The following AQR variants were observed in gnomAD, a reference collection of about 807,000 sequenced individuals.
AQR encodes the protein RNA helicase aquarius.
In AQR, 61 loss-of-function variants were observed where a neutral mutation model predicts 180.5. That is an observed-to-expected ratio of 0.34 (90% CI 0.28 to 0.42). The LOEUF (loss-of-function observed/expected upper bound fraction) is 0.42. AQR is among the 10% of genes least tolerant of loss of function. AQR has a pLI of 1.00. For missense variants in AQR, 1,281 were observed against 1,798.3 expected (o/e 0.71, Z 5.20); for synonymous variants, 551 against 588.8 (o/e 0.94, Z 0.93).
intron 19 of AQR, among the ~76,000 whole-genome samples, chr15:34,902,072 C>A (rs973658925): frequency 6.6e-6 from 1 of 152,118 alleles, no homozygotes; most frequent in African/African-American, 2.4e-5. Flanking sequence ...ATGCAGGGGA[C>A]ACTTAACATT....
chr15:34,930,245 G>A lies in AQR; in HGVS notation c.1014+13C>T, dbSNP rs1893832014. ...TTATGGAGCATACACAGTCTATAAT[G>A]TATTTTAATTACCTGTAGAGAAGTA... On this transcript the variant is annotated intron_variant, in intron 12 of 34. Coordinates refer to ENST00000156471, the MANE Select transcript of AQR (RefSeq NM_014691.3). 6.7e-7 allele frequency: 1 copy of A among 1,489,130 alleles called. No individual in the cohort carries two copies. The highest frequency in any genetic ancestry group is 9.4e-7 in the Non-Finnish European group (1 of 1,068,960). The allele number at this position is 1,489,130 out of a possible 1,614,324, so 92.2% of individuals were successfully genotyped here. A position where few individuals can be genotyped will look rare whatever the true frequency, so the allele number is the denominator to read the frequency against.
intron 1 of AQR, among the ~76,000 whole-genome samples, chr15:34,967,455 T>TAAACTA (rs2050315717): frequency 6.6e-6 from 1 of 152,174 alleles, no homozygotes; most frequent in Non-Finnish European, 1.5e-5. Flanking sequence ...ATGACAGAAG[T>TAAACTA]AAACTAATAA....
chr15:34,858,671 T>G (rs148433662), intron 34 of AQR, among the ~76,000 whole-genome samples: 2 of 152,208 alleles, frequency 1.3e-5, no homozygotes, highest in African/African-American at 4.8e-5. Context: ...AAAGGACTTA[T>G]GTTATCTAAT....
chr15:34,880,675 C>T (rs1186579224), intron 27 of AQR, among the ~76,000 whole-genome samples: 2 of 152,066 alleles, frequency 1.3e-5, no homozygotes, highest in Admixed American at 1.3e-4. Context: ...AGTGAGCAAA[C>T]CAAAGTTACG....
intron 3 of AQR, among the ~76,000 whole-genome samples, chr15:34,957,936 G>A (rs1466801250): frequency 5.3e-5 from 8 of 152,118 alleles, no homozygotes; most frequent in African/African-American, 9.7e-5. Context: ...GTGGCCGGGC[G>A]CAGTGGCTCA....
rs2140491429 is a variant in AQR at position 34,930,318 on chromosome 15, T to C, written c.954A>G (p.Gly318=). 6.2e-7 allele frequency: 1 copy of C among 1,611,778 alleles called. No individual in the cohort carries two copies. Among genetic ancestry groups the C allele is most frequent in the East Asian group, 2.2e-5 (1 of 44,732 alleles). Residue 318 remains glycine, a synonymous_variant, in exon 12 of 35, where the codon GGA becomes GGG. Coordinates refer to ENST00000156471, the MANE Select transcript of AQR (RefSeq NM_014691.3). ...YTGFEINDQT[G]NALTENEMTT... Reference sequence around the variant, plus strand: ...TCATCTCATTCTCTGTCAGAGCATTTCCAGTTTGGTCATTAATTTCAAAAC... The same window carrying C: ...TCATCTCATTCTCTGTCAGAGCATTCCCAGTTTGGTCATTAATTTCAAAAC...
At chr15:34,934,482 A>G in intron 10 of AQR, 89 bp downstream of exon 10, 1 of 784,452 alleles carries the variant, frequency 1.3e-6, no homozygotes, top group South Asian at 2.7e-5. Flanking sequence ...AAAGAAAAGG[A>G]AAGAAAAAAA....
chr15:34,890,835 T>C (rs576884455), intron 23 of AQR, among the ~76,000 whole-genome samples: 12 of 152,338 alleles, frequency 7.9e-5, no homozygotes, highest in African/African-American at 2.6e-4. Flanking sequence ...CACTCATTTA[T>C]TGCAAACTAT....
At chr15:34,888,971 A>AT (rs1360679145) in intron 24 of AQR, among the ~76,000 whole-genome samples, 1 of 152,212 alleles carries the variant, frequency 6.6e-6, no homozygotes, top group Admixed American at 6.5e-5. Flanking sequence ...TTAAAAGTAC[A>AT]TTTTTTCTAA....
chr15:34,918,870 A>T (rs1324726334), intron 14 of AQR, among the ~76,000 whole-genome samples: 3 of 152,246 alleles, frequency 2.0e-5, no homozygotes, highest in Non-Finnish European at 4.4e-5. Flanking sequence ...CTATCACCCT[A>T]GTCTTCTCAC....
At chr15:34,883,956 T>C (rs949457310) in intron 26 of AQR, among the ~76,000 whole-genome samples, 17 of 152,214 alleles carry the variant, frequency 1.1e-4, no homozygotes, top group African/African-American at 4.1e-4. Flanking sequence ...GGACTTAGAA[T>C]GGCCACATGG....
intron 26 of AQR, among the ~76,000 whole-genome samples, chr15:34,883,477 T>C (rs1375552018): frequency 1.3e-5 from 2 of 152,208 alleles, no homozygotes; most frequent in African/African-American, 2.4e-5. Context: ...TTTATCCTTT[T>C]ACTTTGTGTT....
intron 3 of AQR, 97 bp downstream of exon 3, chr15:34,960,677 G>A (rs1024780521): frequency 3.4e-6 from 2 of 580,604 alleles, no homozygotes; most frequent in Middle Eastern, 2.7e-4. Context: ...GTTTGAAACA[G>A]AAAAAGGGTT....
chr15:34,886,489 A>T, intron 25 of AQR, 37 bp downstream of exon 25: 1 of 1,566,848 alleles, frequency 6.4e-7, no homozygotes, highest in East Asian at 2.3e-5. Flanking sequence ...GGTTCATATT[A>T]TGATGAAGTA....
intron 27 of AQR, among the ~76,000 whole-genome samples, chr15:34,879,487 G>A (rs4924325): frequency 0.77 from 116,720 of 152,092 alleles, 45,413 homozygotes; most frequent in Middle Eastern, 0.87. Flanking sequence ...TCCACCAATC[G>A]CTTACTAATC....
intron 5 of AQR, among the ~76,000 whole-genome samples, chr15:34,947,513 A>AAAT (rs573279543): frequency 0.082 from 11,837 of 145,136 alleles, 693 homozygotes; most frequent in East Asian, 0.21. Context: ...TCAATAAAAA[A>AAAT]AATAATAATA....
chr15:34,959,094 C>G (rs1306966677), intron 3 of AQR, among the ~76,000 whole-genome samples: 2 of 152,180 alleles, frequency 1.3e-5, no homozygotes, highest in Non-Finnish European at 2.9e-5. Flanking sequence ...GGGATCGTAT[C>G]TCCCCTCTTT....
chr15:34,954,348 C>T (rs1278047715), intron 3 of AQR, among the ~76,000 whole-genome samples: 3 of 152,072 alleles, frequency 2.0e-5, no homozygotes, highest in Non-Finnish European at 4.4e-5. Context: ...CTCTATTGCC[C>T]AGGCTAGAGT....
At chr15:34,968,338 C>T (rs1200464753) in intron 1 of AQR, among the ~76,000 whole-genome samples, 5 of 151,814 alleles carry the variant, frequency 3.3e-5, no homozygotes, top group Admixed American at 2.6e-4. Flanking sequence ...CTGCAAGCTC[C>T]GCCTCCCGGG....
Sources: allele counts gnomAD v4.1 joint callset (sites outside exome capture counted in the v4.1 genomes callset), GRCh38; gene constraint gnomAD v4.1.1; transcripts MANE v1.5; gene names NCBI Gene and HGNC (gene_info 2026-07-23, HGNC 2026-07-21).